TIMP3: variants seen among roughly 807,000 people sequenced by gnomAD.
TIMP3 encodes metalloproteinase inhibitor 3.
TIMP3 carries 11 observed loss-of-function variants against 30.0 expected under a neutral mutation model. The observed-to-expected ratio is 0.37, with a 90% CI of 0.23 to 0.61. The LOEUF (loss-of-function observed/expected upper bound fraction) is 0.61, where lower values mean the gene tolerates loss of function less well. TIMP3 is among the 20% of genes least tolerant of loss of function. TIMP3 has a pLI of 0.70. For synonymous variants in TIMP3, 112 were observed against 111.3 expected, an observed-to-expected ratio of 1.01 and a Z score of -0.04; for missense variants, 181 against 276.8, an observed-to-expected ratio of 0.65 and a Z score of 2.45.
intron 2 of TIMP3, among the ~76,000 whole-genome samples, chr22:32,854,394 C>G (rs530686088): frequency 2.3e-4 from 35 of 152,172 alleles, no homozygotes; most frequent in African/African-American, 7.2e-4. Flanking sequence ...CAGACTGTAA[C>G]CAGGGGCTTC....
intron 1 of TIMP3, among the ~76,000 whole-genome samples, chr22:32,833,497 A>G (rs1235341218): frequency 1.3e-5 from 2 of 152,202 alleles, no homozygotes; most frequent in African/African-American, 4.8e-5. Flanking sequence ...TGGGCAGTTT[A>G]ACCTTGGGAT....
chr22:32,804,677 G>A (rs1280479841), intron 1 of TIMP3, among the ~76,000 whole-genome samples: 1 of 152,152 alleles, frequency 6.6e-6, no homozygotes, highest in Non-Finnish European at 1.5e-5. Context: ...AAGTCCTAGG[G>A]CCTGGCATGG....
chr22:32,807,394 A>AAT (rs367926863), intron 1 of TIMP3, among the ~76,000 whole-genome samples: 64 of 100,596 alleles, frequency 6.4e-4, no homozygotes, highest in East Asian at 2.0e-3. Flanking sequence ...TATTATATAT[A>AAT]ATATATATAT....
At position 32,820,353 on chromosome 22, in the gene TIMP3, CGTGT is replaced by C. The variant is rs35230068; in HGVS notation, c.121+18253_121+18256del. ...CTCTGCTCATCCACCCATTCCACTG[CGTGT>C]GTGTGTGTGTGTGTGTGTGTGGTGT... On this transcript the variant is annotated intron_variant, in intron 1 of 4. Coordinates refer to ENST00000266085, the MANE Select transcript of TIMP3 (RefSeq NM_000362.5). Among the ~76,000 whole-genome samples the C allele has an allele frequency of 6.8e-3, 965 of 141,780 alleles. 13 individuals are homozygous for C. The highest frequency in any genetic ancestry group is 0.022 in the African/African-American group (832 of 38,134). The allele number at this position is 141,780 out of a possible 152,430, so 93.0% of individuals were successfully genotyped here.
At chr22:32,814,313 G>A (rs866280634) in intron 1 of TIMP3, among the ~76,000 whole-genome samples, 1 of 39,672 alleles carries the variant, frequency 2.5e-5, no homozygotes, top group Non-Finnish European at 4.6e-5. Context: ...GAGAGAGAGA[G>A]AGACAGAAAG....
chr22:32,845,772 A>G (rs964715254), intron 1 of TIMP3, among the ~76,000 whole-genome samples: 4 of 152,220 alleles, frequency 2.6e-5, no homozygotes, highest in Admixed American at 2.6e-4. Flanking sequence ...ATGGCTAGAC[A>G]TGCTGCCAGT....
chr22:32,842,387 C>G (rs935572088), intron 1 of TIMP3, among the ~76,000 whole-genome samples: 2 of 152,138 alleles, frequency 1.3e-5, no homozygotes, highest in Admixed American at 1.3e-4. Flanking sequence ...GCCCTTTCCT[C>G]TCACCTAGAC....
At chr22:32,857,001 T>C (rs1309658908) in intron 2 of TIMP3, among the ~76,000 whole-genome samples, 1 of 152,256 alleles carries the variant, frequency 6.6e-6, no homozygotes, top group African/African-American at 2.4e-5. Flanking sequence ...CATTCTTTTT[T>C]CTGGATGAAT....
At chr22:32,802,885 T>C (rs963614936) in intron 1 of TIMP3, among the ~76,000 whole-genome samples, 6 of 152,024 alleles carry the variant, frequency 3.9e-5, no homozygotes, top group Admixed American at 6.6e-5. Flanking sequence ...GGAAAACAGA[T>C]TTGTCACCAA....
At chr22:32,811,084 C>G (rs1018885374) in intron 1 of TIMP3, among the ~76,000 whole-genome samples, 7 of 152,064 alleles carry the variant, frequency 4.6e-5, no homozygotes, top group African/African-American at 7.3e-5. Context: ...AGGCTGGGAA[C>G]CACTGAGACA....
chr22:32,841,181 T>C (rs950180745), intron 1 of TIMP3, among the ~76,000 whole-genome samples: 1 of 152,232 alleles, frequency 6.6e-6, no homozygotes, highest in Non-Finnish European at 1.5e-5. Flanking sequence ...CCAGGCACTC[T>C]TCGGGCAGCT....
In TIMP3 at chr22:32,860,339, T is replaced by C. The variant is rs1203915303; in HGVS notation, c.*962T>C. On this transcript the variant is annotated 3_prime_UTR_variant, in exon 5 of 5. Coordinates refer to ENST00000266085, the MANE Select transcript of TIMP3 (RefSeq NM_000362.5). The stretch of plus-strand genomic sequence containing the variant: ...GTAGATTTGGGTAGAGGATACTATT[T>C]CCAGAATAGTGTTTAGCTCACCTAG... 3 of 152,646 alleles carry C rather than the reference T, an allele frequency of 2.0e-5. No homozygotes were observed. The highest frequency in any genetic ancestry group is 3.8e-4 in the East Asian group (2 of 5,200). 9.5% of individuals were successfully genotyped at this position (152,646 alleles called of 1,614,324 possible).
rs1328759351 is a variant in TIMP3, at chr22:32,861,887, T to C, written c.*2510T>C. 1 of 152,662 alleles carries C rather than the reference T, an allele frequency of 6.6e-6. No homozygotes were observed. Among genetic ancestry groups the C allele is most frequent in the African/African-American group, 2.4e-5 (1 of 41,456 alleles). The allele number at this position is 152,662 out of a possible 1,614,324, so 9.5% of individuals were successfully genotyped here. A position where few individuals can be genotyped will look rare whatever the true frequency, so the allele number is the denominator to read the frequency against. On this transcript the variant is annotated 3_prime_UTR_variant, in exon 5 of 5. Transcript: ENST00000266085. ...TTTTATTTTGCTAAATCTTGTGTCA[T>C]GTGTAGGCTGTAATATGTGTACATT...
intron 1 of TIMP3, among the ~76,000 whole-genome samples, chr22:32,822,333 C>A (rs1299883295): frequency 2.6e-5 from 4 of 152,114 alleles, no homozygotes; most frequent in Non-Finnish European, 4.4e-5. Context: ...GTGCTGATGC[C>A]TCTGGGGATT....
chr22:32,814,579 G>C (rs2047038429), intron 1 of TIMP3, among the ~76,000 whole-genome samples: 1 of 152,178 alleles, frequency 6.6e-6, no homozygotes, highest in South Asian at 2.1e-4. Flanking sequence ...AACATCATGG[G>C]GTGCTTTGGC....
chr22:32,859,188 C>T lies in TIMP3; in HGVS notation c.447C>T (p.Ser149=). 3 of 1,614,200 alleles carry T rather than the reference C, an allele frequency of 1.9e-6. No homozygotes were observed. Among genetic ancestry groups the T allele is most frequent in the African/African-American group, 1.3e-5 (1 of 75,058 alleles). ...YHLGCNCKIK[S]CYYLPCFVTS... ...CTGTTATCTAATTGCAGATCAAGTC[C>T]TGCTACTACCTGCCTTGCTTTGTGA... Residue 149 remains serine, a synonymous_variant, in exon 5 of 5, where the codon TCC becomes TCT. Coordinates refer to ENST00000266085, the MANE Select transcript of TIMP3 (RefSeq NM_000362.5).
At chr22:32,825,332 T>A (rs2047369711) in intron 1 of TIMP3, among the ~76,000 whole-genome samples, 1 of 152,062 alleles carries the variant, frequency 6.6e-6, no homozygotes. Flanking sequence ...AACTTCTAGA[T>A]CCAGAGGAAA....
rs769440155 is a variant in TIMP3, at chr22:32,859,239, C to T, written c.498C>T (p.Thr166=). The T allele has an allele frequency of 8.1e-6, 13 of 1,614,156 alleles. No individual in the cohort carries two copies. The highest frequency in any genetic ancestry group is 6.7e-5 in the Admixed American group (4 of 60,020). The change falls in exon 5 of 5, where the codon ACC becomes ACT. Residue 166 remains threonine (T), a synonymous_variant. Transcript: ENST00000266085. ...CTTCCAAGAACGAGTGTCTCTGGAC[C>T]GACATGCTCTCCAATTTCGGTTACC... ...FVTSKNECLW[T]DMLSNFGYPG... is the part of the protein sequence containing the mutation.
chr22:32,844,248 A>G (rs2047999033), intron 1 of TIMP3, among the ~76,000 whole-genome samples: 1 of 152,124 alleles, frequency 6.6e-6, no homozygotes, highest in South Asian at 2.1e-4. Flanking sequence ...GCTCAAGGGT[A>G]TCTTGCCCCA....
Sources: gnomAD v4.1 joint callset for allele counts (sites outside exome capture counted in the v4.1 genomes callset) on GRCh38, gnomAD v4.1.1 for gene constraint, MANE v1.5 for transcripts, NCBI Gene and HGNC (gene_info 2026-07-23, HGNC 2026-07-21) for gene names.